The following RNLS variants were observed in gnomAD, a reference collection of about 807,000 sequenced individuals.
RNLS encodes renalase.
RNLS carries 39 observed loss-of-function variants against 39.8 expected under a neutral mutation model. The ratio of observed to expected loss-of-function variants is 0.98; its 90% CI spans 0.76 to 1.28. The LOEUF (loss-of-function observed/expected upper bound fraction) is 1.28, where lower values mean the gene tolerates loss of function less well. RNLS is among the 50% of genes most tolerant of loss of function. The pLI, the probability that RNLS is intolerant of heterozygous loss-of-function variation, is 0.00. For synonymous variants in RNLS, 147 were observed against 150.7 expected (o/e 0.98, Z 0.18); for missense variants, 410 against 413.3 (o/e 0.99, Z 0.07).
At chr10:88,342,125 T>C (rs566150630) in intron 5 of RNLS, among the ~76,000 whole-genome samples, 2 of 152,298 alleles carry the variant, frequency 1.3e-5, no homozygotes, top group African/African-American at 4.8e-5. Context: ...TGTTCAAAGC[T>C]CTTGTGCTTC....
chr10:88,501,079 T>G (rs537080813), intron 4 of RNLS, among the ~76,000 whole-genome samples: 19 of 152,024 alleles, frequency 1.2e-4, no homozygotes, highest in African/African-American at 4.3e-4. Context: ...CATAAGTGCT[T>G]AATATAAGTC....
chr10:88,572,040 CA>C (rs953373629), intron 4 of RNLS, among the ~76,000 whole-genome samples: 16 of 152,042 alleles, frequency 1.1e-4, no homozygotes, highest in African/African-American at 3.9e-4. Context: ...GGCAGTGCAC[CA>C]GGAACCCTCA....
intron 4 of RNLS, among the ~76,000 whole-genome samples, chr10:88,370,494 A>C (rs1273261084): frequency 6.6e-6 from 1 of 152,214 alleles, no homozygotes; most frequent in Non-Finnish European, 1.5e-5. Flanking sequence ...AAAGCATTTT[A>C]GCTCAGGGAC....
At chr10:88,333,721 T>A (rs1167686959) in intron 5 of RNLS, among the ~76,000 whole-genome samples, 13 of 152,188 alleles carry the variant, frequency 8.5e-5, no homozygotes. Flanking sequence ...AAAACTCGTA[T>A]GTGAAATCTA....
intron 5 of RNLS, among the ~76,000 whole-genome samples, chr10:88,322,425 G>A (rs1176365471): frequency 2.0e-5 from 3 of 152,136 alleles, no homozygotes; most frequent in Admixed American, 2.0e-4. Flanking sequence ...CATGTGTCGG[G>A]GGTTGGGGGT....
At chr10:88,230,417 C>A in the RNLS span, among the ~76,000 whole-genome samples, 3 of 152,094 alleles carry the variant, frequency 2.0e-5, no homozygotes, top group Admixed American at 6.5e-5. Context: ...CCACCTGAGT[C>A]GCCCCCTCTG....
chr10:88,353,997 T>C (rs992283453), intron 5 of RNLS, among the ~76,000 whole-genome samples: 4 of 152,228 alleles, frequency 2.6e-5, no homozygotes, highest in Non-Finnish European at 5.9e-5. Flanking sequence ...TCTTTGTTGG[T>C]TTAAAGTCTG....
intron 4 of RNLS, among the ~76,000 whole-genome samples, chr10:88,371,185 A>G (rs528178704): frequency 1.3e-5 from 2 of 152,304 alleles, no homozygotes; most frequent in African/African-American, 4.8e-5. Context: ...GATTGTTAAA[A>G]AAAATTAAAC....
At chr10:88,227,376 A>T in the RNLS span, among the ~76,000 whole-genome samples, 1 of 152,252 alleles carries the variant, frequency 6.6e-6, no homozygotes, top group Non-Finnish European at 1.5e-5. Flanking sequence ...AGGTAAAGAC[A>T]TAATAACTAA....
At chr10:88,248,088 A>AT in the RNLS span, among the ~76,000 whole-genome samples, 4 of 152,310 alleles carry the variant, frequency 2.6e-5, no homozygotes, top group East Asian at 5.8e-4. Context: ...GTTTTTAATA[A>AT]TTTTTTACAG....
intron 4 of RNLS, among the ~76,000 whole-genome samples, chr10:88,429,042 C>T (rs1232176901): frequency 6.6e-6 from 1 of 151,754 alleles, no homozygotes; most frequent in Non-Finnish European, 1.5e-5. Flanking sequence ...TCATTAATCT[C>T]ATCTAGTAAG....
the RNLS span, among the ~76,000 whole-genome samples, chr10:88,204,414 A>G: frequency 6.6e-6 from 1 of 152,058 alleles, no homozygotes; most frequent in Non-Finnish European, 1.5e-5. Context: ...AGTATTTACA[A>G]CTTATTTCTA....
At chr10:88,482,293 C>A (rs1429286802) in intron 4 of RNLS, among the ~76,000 whole-genome samples, 2 of 152,130 alleles carry the variant, frequency 1.3e-5, no homozygotes, top group Non-Finnish European at 2.9e-5. Context: ...TTGGTACACT[C>A]AATGTTGTCC....
chr10:88,463,031 A>G (rs1843014638), intron 4 of RNLS, among the ~76,000 whole-genome samples: 1 of 152,090 alleles, frequency 6.6e-6, no homozygotes, highest in Non-Finnish European at 1.5e-5. Context: ...TAGATGGGAA[A>G]CCATACTGCC....
chr10:88,324,385 C>T (rs1589554344), intron 5 of RNLS, among the ~76,000 whole-genome samples: 1 of 122,006 alleles, frequency 8.2e-6, no homozygotes. Flanking sequence ...ACATACACCA[C>T]AGAATACTAT....
At chr10:88,306,876 A>C (rs1205178663) in intron 6 of RNLS, among the ~76,000 whole-genome samples, 1 of 152,200 alleles carries the variant, frequency 6.6e-6, no homozygotes, top group East Asian at 1.9e-4. Flanking sequence ...ATGACAAAAA[A>C]AGAAAACTTC....
intron 3 of RNLS, among the ~76,000 whole-genome samples, chr10:88,577,797 A>C (rs1200195542): frequency 1.3e-5 from 2 of 152,210 alleles, no homozygotes; most frequent in Non-Finnish European, 2.9e-5. Context: ...AAAATAGAAC[A>C]TAAGGTCAAG....
intron 5 of RNLS, among the ~76,000 whole-genome samples, chr10:88,318,905 A>G (rs531578232): frequency 1.8e-4 from 28 of 152,198 alleles, no homozygotes; most frequent in African/African-American, 5.5e-4. Flanking sequence ...CCTCCCCTCT[A>G]TATCAGGGCA....
rs1290063154 is a variant in RNLS, at chr10:88,581,726, T to C, written c.225-17A>G. On this transcript the variant is annotated splice_polypyrimidine_tract_variant and intron_variant, in intron 2 of 6. Transcript: ENST00000331772. ...TCATAAAAACTGAAATAAATCAATA[T>C]GTATATTTAATGTAATTATATACCA... 2.6e-6 allele frequency: 4 copies of C among 1,514,066 alleles called. No individual in the cohort carries two copies. Among genetic ancestry groups the C allele is most frequent in the Non-Finnish European group, 3.5e-6 (4 of 1,127,168 alleles). 93.8% of individuals were successfully genotyped at this position (1,514,066 alleles called of 1,614,324 possible).
Sources: gnomAD v4.1 joint callset for allele counts (sites outside exome capture counted in the v4.1 genomes callset) on GRCh38, gnomAD v4.1.1 for gene constraint, MANE v1.5 for transcripts, NCBI Gene and HGNC (gene_info 2026-07-23, HGNC 2026-07-21) for gene names.